Variants in FAM20B observed in about 807,000 individuals in gnomAD.
FAM20B encodes FAM20B glycosaminoglycan xylosylkinase.
Under a neutral mutation model 43.8 loss-of-function variants are expected in FAM20B, and 23 were observed. The ratio of observed to expected loss-of-function variants is 0.53; its 90% CI spans 0.38 to 0.74. The LOEUF is 0.74. FAM20B is among the 30% of genes least tolerant of loss of function. FAM20B has a pLI of 0.00. For synonymous variants in FAM20B, 178 were observed against 192.4 expected (o/e 0.93, Z 0.62); for missense variants, 440 against 510.5 (o/e 0.86, Z 1.33).
chr1:179,072,037 G>T lies in FAM20B; in HGVS notation c.1123G>T (p.Val375Leu). The change falls in exon 8 of 8, where the codon GTG (valine) becomes TTG (leucine). Residue 375 changes from valine (V) to leucine (L), a missense_variant. By Grantham distance (32) the Val-to-Leu change is conservative (BLOSUM62 1). Transcript: ENST00000263733. ...PVLSDPHLDA[V>L]DQRLLSVLAT... ...GCTCTCTGATCCTCATCTGGACGCCGTGGACCAGCGGCTCCTGAGTGTCCT... is the reference window on the plus strand; with the variant it reads ...GCTCTCTGATCCTCATCTGGACGCCTTGGACCAGCGGCTCCTGAGTGTCCT... The T allele has an allele frequency of 6.2e-7, 1 of 1,614,156 alleles. No homozygotes were observed.
chr1:179,041,779 C>T (rs993023918), intron 1 of FAM20B, among the ~76,000 whole-genome samples: 2 of 149,592 alleles, frequency 1.3e-5, no homozygotes, highest in Admixed American at 1.3e-4. Context: ...GGGAAAGGAC[C>T]CTCTGGCATT....
rs1442407664 is a variant in FAM20B at position 179,066,676 on chromosome 1, A to T, written c.939-124A>T. On this transcript the variant is annotated intron_variant, in intron 6 of 7. Transcript: ENST00000263733. ...GCTTGTTTTCAATTTAAGTGATTTGAGCTGCTGGAGCGTGAAATTATCTAG... is the reference window on the plus strand; with the variant it reads ...GCTTGTTTTCAATTTAAGTGATTTGTGCTGCTGGAGCGTGAAATTATCTAG... 4 of 682,394 alleles carry T rather than the reference A, an allele frequency of 5.9e-6. No homozygotes were observed. In the East Asian group the frequency reaches 1.1e-4, roughly 18 times the overall value. 42.3% of individuals were successfully genotyped at this position (682,394 alleles called of 1,614,324 possible). A position where few individuals can be genotyped will look rare whatever the true frequency, so the allele number is the denominator to read the frequency against.
chr1:179,026,851 C>A (rs1162376444), intron 1 of FAM20B, among the ~76,000 whole-genome samples: 1 of 152,218 alleles, frequency 6.6e-6, no homozygotes, highest in Non-Finnish European at 1.5e-5. Context: ...ATAAGAGATT[C>A]ATTCTAATCT....
At chr1:179,018,648 T>C in the FAM20B span, among the ~76,000 whole-genome samples, 1 of 152,168 alleles carries the variant, frequency 6.6e-6, no homozygotes, top group Non-Finnish European at 1.5e-5. Flanking sequence ...GAAAATGTTG[T>C]AGTAAAAATA....
intron 1 of FAM20B, among the ~76,000 whole-genome samples, chr1:179,026,452 G>A (rs1649784615): frequency 6.6e-6 from 1 of 152,124 alleles, no homozygotes; most frequent in South Asian, 2.1e-4. Flanking sequence ...TCCTTCTAGT[G>A]ACCGTCTCTC....
At chr1:179,067,431 C>T (rs1206654236) in intron 7 of FAM20B, among the ~76,000 whole-genome samples, 1 of 152,108 alleles carries the variant, frequency 6.6e-6, no homozygotes, top group African/African-American at 2.4e-5. Flanking sequence ...ATGGCGAAAC[C>T]CCGTCTCTAT....
intron 4 of FAM20B, among the ~76,000 whole-genome samples, chr1:179,056,110 C>A (rs761200721): frequency 6.6e-6 from 1 of 152,200 alleles, no homozygotes; most frequent in African/African-American, 2.4e-5. Flanking sequence ...ACAGTTGTTA[C>A]AATTGATGAG....
upstream of FAM20B, among the ~76,000 whole-genome samples, chr1:179,020,933 T>C (rs1258625125): frequency 1.3e-5 from 2 of 152,168 alleles, no homozygotes; most frequent in African/African-American, 4.8e-5. Flanking sequence ...CAGCCAGGCA[T>C]GGTGGCGCAC....
intron 6 of FAM20B, 102 bp downstream of exon 6, chr1:179,064,598 G>A (rs1375828762): frequency 1.1e-6 from 1 of 876,954 alleles, no homozygotes; most frequent in Non-Finnish European, 1.7e-6. Flanking sequence ...CAATTGATAG[G>A]CAACATCCTT....
Position 179,076,441 on chromosome 1 carries a change from G to A in FAM20B, c.*4297G>A, listed in dbSNP as rs763248368. 1 of 152,564 alleles carries A rather than the reference G, an allele frequency of 6.6e-6. No individual in the cohort carries two copies. The highest frequency in any genetic ancestry group is 1.5e-5 in the Non-Finnish European group (1 of 68,042). 9.5% of individuals were successfully genotyped at this position (152,564 alleles called of 1,614,324 possible). On this transcript the variant is annotated 3_prime_UTR_variant, in exon 8 of 8. Coordinates refer to ENST00000263733, the MANE Select transcript of FAM20B (RefSeq NM_014864.4). ...CTGCCAAGGATTTCCTCTCAGAGCT[G>A]TTGCACAGACAGAGATTGTACTTGG... is the stretch of plus-strand genomic sequence containing the variant.
At chr1:179,038,106 T>A (rs1650326349) in intron 1 of FAM20B, among the ~76,000 whole-genome samples, 1 of 152,126 alleles carries the variant, frequency 6.6e-6, no homozygotes, top group Admixed American at 6.5e-5. Flanking sequence ...GAATGAGCAA[T>A]ACGATTAAAA....
chr1:179,047,660 T>C (rs1333691777), intron 2 of FAM20B, among the ~76,000 whole-genome samples: 1 of 152,202 alleles, frequency 6.6e-6, no homozygotes, highest in Non-Finnish European at 1.5e-5. Flanking sequence ...TCAGGAAATA[T>C]CACAGGCTGG....
upstream of FAM20B, among the ~76,000 whole-genome samples, chr1:179,024,808 A>T (rs956345223): frequency 2.6e-5 from 4 of 152,200 alleles, no homozygotes; most frequent in African/African-American, 4.8e-5. Flanking sequence ...CTTTCCCCAT[A>T]CATTTCCTAA....
chr1:179,062,179 A>G (rs899435480), intron 4 of FAM20B, among the ~76,000 whole-genome samples: 1 of 152,042 alleles, frequency 6.6e-6, no homozygotes, highest in African/African-American at 2.4e-5. Flanking sequence ...AATTCCTTTT[A>G]ATGTGGTACT....
intron 1 of FAM20B, among the ~76,000 whole-genome samples, chr1:179,028,393 C>T (rs2102478709): frequency 6.6e-6 from 1 of 152,274 alleles, no homozygotes; most frequent in South Asian, 2.1e-4. Context: ...ACCATCCTGG[C>T]CAACATGGTG....
Position 179,072,153 on chromosome 1 carries a change from A to C in FAM20B, c.*9A>C. On this transcript the variant is annotated 3_prime_UTR_variant, in exon 8 of 8. Transcript: ENST00000263733. Reference sequence around the variant, plus strand: ...CTCTCTCACACTTGTAATTCTCGACACAAAATAAGTGAAACTTCTTTTTAC... The same window carrying C: ...CTCTCTCACACTTGTAATTCTCGACCCAAAATAAGTGAAACTTCTTTTTAC... 6.3e-7 allele frequency: 1 copy of C among 1,588,250 alleles called. No individual in the cohort carries two copies. Among genetic ancestry groups the C allele is most frequent in the South Asian group, 1.1e-5 (1 of 90,200 alleles).
chr1:179,019,526 G>T, the FAM20B span, among the ~76,000 whole-genome samples: 8 of 150,136 alleles, frequency 5.3e-5, no homozygotes. Flanking sequence ...GCAATGGCAC[G>T]ATCTTGGCTC....
intron 7 of FAM20B, 44 bp from the exon 8 acceptor site, chr1:179,071,869 A>G: frequency 7.4e-7 from 1 of 1,355,048 alleles, no homozygotes; most frequent in Non-Finnish European, 1.1e-6. Context: ...TCCGTTTGAT[A>G]ATGAGAAGTT....
At chr1:179,048,084 A>C (rs1650855565) in intron 2 of FAM20B, among the ~76,000 whole-genome samples, 1 of 152,138 alleles carries the variant, frequency 6.6e-6, no homozygotes. Context: ...ATTATAAGTA[A>C]AGGTGATTTT....
Sources: gnomAD v4.1 joint callset for allele counts (sites outside exome capture counted in the v4.1 genomes callset) on GRCh38, gnomAD v4.1.1 for gene constraint, MANE v1.5 for transcripts, NCBI Gene and HGNC (gene_info 2026-07-23, HGNC 2026-07-21) for gene names.